USP48: variants seen among roughly 807,000 people sequenced by gnomAD.
USP48 encodes ubiquitin carboxyl-terminal hydrolase 48.
USP48 carries 43 observed loss-of-function variants against 150.7 expected under a neutral mutation model. That is an observed-to-expected ratio of 0.29 (90% confidence interval 0.22 to 0.37). USP48 has a LOEUF of 0.37. Among genes scored for constraint, USP48 ranks in the 10% least tolerant of loss-of-function variants. The pLI is 1.00. For missense variants in USP48, 813 were observed against 1,249.6 expected, an observed-to-expected ratio of 0.65 and a Z score of 5.27; for synonymous variants, 396 against 425.9, an observed-to-expected ratio of 0.93 and a Z score of 0.86.
chr1:21,711,573 C>A (rs76367513), intron 15 of USP48, among the ~76,000 whole-genome samples: 4,936 of 152,246 alleles, frequency 0.032, 117 homozygotes, highest in Non-Finnish European at 0.047. Context: ...TTCCGAAGAG[C>A]GACAGCAGGT....
chr1:21,735,274 A>G (rs2097766209), intron 9 of USP48, among the ~76,000 whole-genome samples: 1 of 152,224 alleles, frequency 6.6e-6, no homozygotes, highest in Non-Finnish European at 1.5e-5. Flanking sequence ...GAACAAAATA[A>G]TTGTAAATTT....
intron 1 of USP48, among the ~76,000 whole-genome samples, chr1:21,761,474 G>T (rs528584317): frequency 2.0e-4 from 30 of 152,082 alleles, no homozygotes; most frequent in Non-Finnish European, 3.1e-4. Context: ...TTGCCATGTT[G>T]CCCCAGGCTG....
Position 21,698,367 on chromosome 1 carries a change from G to A in USP48, c.2727+3131C>T, listed in dbSNP as rs570781828. Among the ~76,000 whole-genome samples, 12 of 152,086 alleles carry A rather than the reference G, an allele frequency of 7.9e-5. No individual in the cohort carries two copies. The South Asian group carries it at 8.3e-4, about 11-fold the overall frequency. On this transcript the variant is annotated intron_variant, in intron 22 of 26. Coordinates refer to ENST00000308271, the MANE Select transcript of USP48 (RefSeq NM_032236.8). ...AAATAATTACAGTATAAAAAGCAAT[G>A]TTCCCCAACATTCTCTATCATATTT...
At chr1:21,741,995 G>A (rs766073882) in intron 8 of USP48, among the ~76,000 whole-genome samples, 4 of 151,904 alleles carry the variant, frequency 2.6e-5, no homozygotes, top group Non-Finnish European at 4.4e-5. Flanking sequence ...GGAGAGTGTC[G>A]ATTGCTTAAT....
chr1:21,764,048 A>C (rs1039050248), intron 1 of USP48, among the ~76,000 whole-genome samples: 2 of 152,146 alleles, frequency 1.3e-5, no homozygotes, highest in Non-Finnish European at 2.9e-5. Flanking sequence ...ATTTATCATC[A>C]TGTGTGTGCC....
At chr1:21,729,597 G>A in intron 10 of USP48, 107 bp downstream of exon 10, 7 of 1,316,590 alleles carry the variant, frequency 5.3e-6, no homozygotes, top group South Asian at 2.0e-5. Flanking sequence ...TTCACCTTAT[G>A]GAATCAATTT....
chr1:21,690,352 T>C (rs1160241697), intron 23 of USP48, among the ~76,000 whole-genome samples: 2 of 152,112 alleles, frequency 1.3e-5, no homozygotes, highest in African/African-American at 4.8e-5. Flanking sequence ...GTTCCTTACC[T>C]TACCAGCTTC....
In USP48 at chr1:21,744,776, C is replaced by CT. The variant is rs1490360759; in HGVS notation, c.991+2290dup. Among the ~76,000 whole-genome samples the CT allele has an allele frequency of 2.7e-3, 46 of 17,334 alleles. 1 individual carries two copies. Among genetic ancestry groups the CT allele is most frequent in the South Asian group, 6.4e-3 (4 of 628 alleles). 11.4% of individuals were successfully genotyped at this position (17,334 alleles called of 152,430 possible). ...TGGGCAACAGAATGAAACTCTATCT[C>CT]TAAAAAAAAAAAAAAAAAAAAAAAA... On this transcript the variant is annotated intron_variant, in intron 8 of 26. Coordinates refer to ENST00000308271, the MANE Select transcript of USP48 (RefSeq NM_032236.8).
chr1:21,737,025 C>T (rs1396085001), intron 8 of USP48, among the ~76,000 whole-genome samples: 7 of 152,090 alleles, frequency 4.6e-5, no homozygotes, highest in Non-Finnish European at 1.0e-4. Context: ...CAGGGAGACA[C>T]GAATGTCAAA....
chr1:21,691,671 T>C (rs1271074885), intron 23 of USP48, among the ~76,000 whole-genome samples: 2 of 152,212 alleles, frequency 1.3e-5, no homozygotes, highest in African/African-American at 2.4e-5. Context: ...AATACTGGTA[T>C]ACATAATATT....
At chr1:21,713,773 C>T (rs564978667) in intron 15 of USP48, among the ~76,000 whole-genome samples, 36 of 152,308 alleles carry the variant, frequency 2.4e-4, no homozygotes, top group African/African-American at 8.4e-4. Flanking sequence ...TTTATTTCCT[C>T]GTGCTATTCA....
chr1:21,689,289 C>A (rs1363337712), intron 24 of USP48, among the ~76,000 whole-genome samples: 5 of 117,020 alleles, frequency 4.3e-5, no homozygotes, highest in South Asian at 5.3e-4. Context: ...GTTTTAAGAA[C>A]AGATCCATCT....
intron 1 of USP48, among the ~76,000 whole-genome samples, chr1:21,774,180 A>AAATAATAATAATAATAAT (rs57694769): frequency 2.1e-5 from 3 of 141,204 alleles, no homozygotes; most frequent in African/African-American, 5.3e-5. Context: ...CTCCGTCTCA[A>AAATAATAATAATAATAAT]AATAATAATA....
intron 20 of USP48, among the ~76,000 whole-genome samples, chr1:21,703,891 T>C (rs929900030): frequency 2.0e-5 from 3 of 152,120 alleles, no homozygotes; most frequent in African/African-American, 7.2e-5. Flanking sequence ...ATGTGCTACA[T>C]TTTTATTATT....
At chr1:21,741,504 C>A (rs148348773) in intron 8 of USP48, among the ~76,000 whole-genome samples, 6 of 152,262 alleles carry the variant, frequency 3.9e-5, no homozygotes, top group Admixed American at 2.0e-4. Context: ...GAATCTTTCA[C>A]CCACAGACCC....
chr1:21,729,128 C>T (rs2097748880), intron 10 of USP48, among the ~76,000 whole-genome samples: 1 of 151,894 alleles, frequency 6.6e-6, no homozygotes, highest in Admixed American at 6.6e-5. Flanking sequence ...ACTAAAAATA[C>T]AAAAATTAGC....
rs979980076 is a variant in USP48, at chr1:21,739,443, C to T, written c.992-2818G>A. Among the ~76,000 whole-genome samples the T allele has an allele frequency of 4.8e-5, 7 of 146,640 alleles. No individual in the cohort carries two copies. The East Asian group carries it at 8.2e-4, about 17-fold the overall frequency. On this transcript the variant is annotated intron_variant, in intron 8 of 26. Transcript: ENST00000308271. ...CTGAGGCAGGAAAACTGCTTGAACC[C>T]GGGAGGCGGAGGTTGCAGTGAGCCG...
At chr1:21,700,348 A>T (rs2097651759) in intron 22 of USP48, among the ~76,000 whole-genome samples, 1 of 152,132 alleles carries the variant, frequency 6.6e-6, no homozygotes, top group African/African-American at 2.4e-5. Flanking sequence ...AGCGCCAATA[A>T]GCCACGGAAA....
chr1:21,733,039 T>C (rs2097760621), intron 9 of USP48, among the ~76,000 whole-genome samples: 1 of 152,122 alleles, frequency 6.6e-6, no homozygotes. Flanking sequence ...CAAAAAAGGT[T>C]GGAAGATCAC....
Sources: allele counts gnomAD v4.1 joint callset (sites outside exome capture counted in the v4.1 genomes callset), GRCh38; gene constraint gnomAD v4.1.1; transcripts MANE v1.5; gene names NCBI Gene and HGNC (gene_info 2026-07-23, HGNC 2026-07-21).